Variants in CFAP299 observed in about 807,000 individuals in gnomAD.
CFAP299 encodes the protein cilia- and flagella-associated protein 299.
CFAP299 carries 21 observed loss-of-function variants against 27.0 expected under a neutral mutation model. The observed-to-expected ratio is 0.78, with a 90% confidence interval of 0.55 to 1.12. CFAP299 has a LOEUF of 1.12. CFAP299 is among the 50% of genes most tolerant of loss of function. CFAP299 has a pLI of 0.00. For missense variants in CFAP299, 310 were observed against 276.6 expected, an observed-to-expected ratio of 1.12 and a Z score of -0.86; for synonymous variants, 104 against 98.1, an observed-to-expected ratio of 1.06 and a Z score of -0.36.
At chr4:80,465,833 A>T (rs1242288081) in intron 2 of CFAP299, among the ~76,000 whole-genome samples, 61 of 152,286 alleles carry the variant, frequency 4.0e-4, no homozygotes, top group Non-Finnish European at 4.4e-5. Context: ...AACCTACGTG[A>T]GCTGGGTTTC....
chr4:80,752,485 T>C (rs1253232847), intron 3 of CFAP299, among the ~76,000 whole-genome samples: 1 of 148,508 alleles, frequency 6.7e-6, no homozygotes, highest in Non-Finnish European at 1.5e-5. Flanking sequence ...CATTAAGTTT[T>C]CATGATATGT....
intron 2 of CFAP299, among the ~76,000 whole-genome samples, chr4:80,540,449 AAC>A (rs1391179322): frequency 1.3e-5 from 2 of 152,244 alleles, no homozygotes; most frequent in Non-Finnish European, 2.9e-5. Flanking sequence ...CATTACCCCA[AAC>A]AAGGGCAGAA....
intron 5 of CFAP299, among the ~76,000 whole-genome samples, chr4:80,960,017 T>C (rs1160987108): frequency 6.6e-6 from 1 of 151,672 alleles, no homozygotes; most frequent in Non-Finnish European, 1.5e-5. Flanking sequence ...TTTCCTTAAA[T>C]AATCAGGGAT....
intron 2 of CFAP299, among the ~76,000 whole-genome samples, chr4:80,395,173 T>C (rs763450914): frequency 1.3e-5 from 2 of 152,096 alleles, no homozygotes; most frequent in Non-Finnish European, 2.9e-5. Flanking sequence ...ATTTTCATGC[T>C]ATTGTAATTG....
At position 80,859,380 on chromosome 4, in the gene CFAP299, T is replaced by C. The variant is rs12651131; in HGVS notation, c.334-10613T>C. 7.7e-3 allele frequency among the ~76,000 whole-genome samples: 1,178 copies of C among 152,322 alleles called. 43 individuals are homozygous for C. In the East Asian group the frequency reaches 0.11, roughly 14 times the overall value. Reference sequence around the variant, plus strand: ...TCTTTATCCAATTTGCCAGTCTGTGTCTTTTAATTGGAGCATTTAGTCCAT... The same window carrying C: ...TCTTTATCCAATTTGCCAGTCTGTGCCTTTTAATTGGAGCATTTAGTCCAT... On this transcript the variant is annotated intron_variant, in intron 3 of 5. Transcript: ENST00000358105.
At chr4:80,704,632 C>G (rs1176620126) in intron 3 of CFAP299, among the ~76,000 whole-genome samples, 1 of 151,624 alleles carries the variant, frequency 6.6e-6, no homozygotes, top group Non-Finnish European at 1.5e-5. Flanking sequence ...TTATCATTGG[C>G]AAAAGATCAA....
intron 3 of CFAP299, among the ~76,000 whole-genome samples, chr4:80,613,738 C>A (rs534048471): frequency 1.3e-5 from 2 of 152,240 alleles, no homozygotes; most frequent in Admixed American, 6.5e-5. Context: ...AAGTTTGAAA[C>A]CCACTGCCTT....
At chr4:80,823,114 T>A (rs1462690714) in intron 3 of CFAP299, among the ~76,000 whole-genome samples, 1 of 152,170 alleles carries the variant, frequency 6.6e-6, no homozygotes, top group African/African-American at 2.4e-5. Context: ...CACCTGGACC[T>A]ACTTAGCACC....
intron 3 of CFAP299, among the ~76,000 whole-genome samples, chr4:80,834,046 T>C (rs1730437108): frequency 1.3e-5 from 2 of 152,234 alleles, no homozygotes; most frequent in African/African-American, 4.8e-5. Context: ...TGGAAAATAC[T>C]TGCAGTTTGC....
At chr4:80,349,300 T>A (rs918962424) in intron 1 of CFAP299, among the ~76,000 whole-genome samples, 14 of 152,360 alleles carry the variant, frequency 9.2e-5, no homozygotes, top group Non-Finnish European at 8.8e-5. Context: ...GACATGTAAC[T>A]ATCCAAGTAA....
intron 5 of CFAP299, among the ~76,000 whole-genome samples, chr4:80,946,436 G>T (rs533145159): frequency 6.6e-6 from 1 of 152,212 alleles, no homozygotes; most frequent in Admixed American, 6.5e-5. Flanking sequence ...GCCTTTAAAG[G>T]GAGTTTCCAA....
intron 5 of CFAP299, among the ~76,000 whole-genome samples, chr4:80,950,747 C>T (rs1737735399): frequency 6.6e-6 from 1 of 152,084 alleles, no homozygotes; most frequent in African/African-American, 2.4e-5. Context: ...TGACCTCATC[C>T]CAAGAAGGCT....
chr4:80,396,757 G>C (rs1166258811), intron 2 of CFAP299, among the ~76,000 whole-genome samples: 1 of 152,256 alleles, frequency 6.6e-6, no homozygotes, highest in Non-Finnish European at 1.5e-5. Context: ...TAAGCTTTTT[G>C]ATGTGCTGCT....
chr4:80,962,518 G>T (rs11099453), intron 5 of CFAP299, among the ~76,000 whole-genome samples: 149,868 of 151,936 alleles, frequency 0.99, 73,941 homozygotes, highest in East Asian at 1. Flanking sequence ...CTGCACATTG[G>T]GCACATGTAC....
chr4:80,813,311 C>T (rs1400526161), intron 3 of CFAP299, among the ~76,000 whole-genome samples: 1 of 151,864 alleles, frequency 6.6e-6, no homozygotes, highest in Non-Finnish European at 1.5e-5. Flanking sequence ...AAGCAATATT[C>T]TAGCACTCAA....
intron 2 of CFAP299, among the ~76,000 whole-genome samples, chr4:80,552,060 A>G (rs1270940560): frequency 2.0e-5 from 3 of 152,152 alleles, no homozygotes; most frequent in Admixed American, 1.3e-4. Context: ...GAAAGCTTTT[A>G]AAAGAGCTGA....
intron 3 of CFAP299, among the ~76,000 whole-genome samples, chr4:80,850,035 G>A (rs981394654): frequency 1.2e-4 from 19 of 152,100 alleles, no homozygotes; most frequent in Admixed American, 7.2e-4. Context: ...TAAATAAACT[G>A]AGGAGGTAAA....
At chr4:80,859,369 G>A (rs1476157758) in intron 3 of CFAP299, among the ~76,000 whole-genome samples, 1 of 152,196 alleles carries the variant, frequency 6.6e-6, no homozygotes, top group South Asian at 2.1e-4. Flanking sequence ...TATCCAATTT[G>A]CCAGTCTGTG....
intron 3 of CFAP299, among the ~76,000 whole-genome samples, chr4:80,791,303 A>C (rs1183463833): frequency 6.6e-6 from 1 of 152,014 alleles, no homozygotes; most frequent in Non-Finnish European, 1.5e-5. Context: ...TACGAATTCT[A>C]GCTGTTTTAT....
Sources: gnomAD v4.1 joint callset for allele counts (sites outside exome capture counted in the v4.1 genomes callset) on GRCh38, gnomAD v4.1.1 for gene constraint, MANE v1.5 for transcripts, NCBI Gene and HGNC (gene_info 2026-07-23, HGNC 2026-07-21) for gene names.